The following FADS6 variants were observed in gnomAD, a reference collection of about 807,000 sequenced individuals.
FADS6 encodes fatty acid desaturase 6, also known as fatty acid desaturase domain family, member 6.
FADS6 carries 28 observed loss-of-function variants against 31.7 expected under a neutral mutation model. The observed-to-expected ratio is 0.88, with a 90% CI of 0.66 to 1.21. FADS6 has a LOEUF of 1.21. Ranked by LOEUF, FADS6 falls within the 50% of genes most tolerant of loss-of-function variation. The pLI, the probability that FADS6 is intolerant of heterozygous loss-of-function variation, is 0.00. For synonymous variants in FADS6, 191 were observed against 213.1 expected (o/e 0.90, Z 0.90); for missense variants, 494 against 504.2 (o/e 0.98, Z 0.19).
At chr17:74,890,801 G>A (rs2038681220) in intron 2 of FADS6, among the ~76,000 whole-genome samples, 1 of 152,236 alleles carries the variant, frequency 6.6e-6, no homozygotes, top group Admixed American at 6.5e-5. Flanking sequence ...AGCCCAGGAA[G>A]GCTTCTCAGA....
intron 2 of FADS6, among the ~76,000 whole-genome samples, chr17:74,884,801 G>A (rs564833842): frequency 1.6e-4 from 24 of 151,972 alleles, no homozygotes; most frequent in African/African-American, 2.4e-4. Flanking sequence ...TCCACCTCCC[G>A]GGTTCAAGCG....
intron 2 of FADS6, among the ~76,000 whole-genome samples, chr17:74,891,182 T>C (rs1284200197): frequency 6.9e-6 from 1 of 144,124 alleles, no homozygotes; most frequent in Non-Finnish European, 1.5e-5. Flanking sequence ...GGATTACAGG[T>C]GCGTGCCACC....
chr17:74,884,047 G>A (rs1251102363), intron 2 of FADS6, among the ~76,000 whole-genome samples: 2 of 152,204 alleles, frequency 1.3e-5, no homozygotes, highest in Non-Finnish European at 2.9e-5. Context: ...TGCTAGGCCT[G>A]TGGGGTTCCC....
At chr17:74,888,168 G>GCA (rs1355177187) in intron 2 of FADS6, among the ~76,000 whole-genome samples, 3 of 144,048 alleles carry the variant, frequency 2.1e-5, no homozygotes, top group Non-Finnish European at 4.5e-5. Flanking sequence ...GCGCGCGCGC[G>GCA]CGCGCAGAGT....
intron 2 of FADS6, among the ~76,000 whole-genome samples, chr17:74,890,423 C>T (rs531444423): frequency 2.0e-5 from 3 of 152,248 alleles, no homozygotes; most frequent in East Asian, 3.9e-4. Context: ...AAAATCAAGA[C>T]GCATCCCACG....
In FADS6 at chr17:74,878,364, C is replaced by A. The variant is rs1250958273; in HGVS notation, c.1074G>T (p.Gln358His). ...FLRRYEEFMV[Q>H]APPITELVGL ...CCACAAGCTCAGTGATGGGTGGGGC[C>A]TGCACCATGAATTCCTCATAGCGAC... The change falls in exon 6 of 6, where the codon CAG (glutamine) becomes CAT (histidine). Residue 358 changes from glutamine to histidine, a missense_variant. This residue lies in a region of FADS6 where 454 missense variants were observed against 438.5 expected (regional missense o/e 1.04). Coordinates refer to ENST00000612771, the MANE Select transcript of FADS6 (RefSeq NM_178128.6). 1 of 1,613,830 alleles carries A rather than the reference C, an allele frequency of 6.2e-7. No homozygotes were observed. Among genetic ancestry groups the A allele is most frequent in the Non-Finnish European group, 8.5e-7 (1 of 1,179,872 alleles).
intron 2 of FADS6, among the ~76,000 whole-genome samples, chr17:74,888,126 C>CCACACACA (rs1165268903): frequency 1.6e-5 from 2 of 127,986 alleles, no homozygotes; most frequent in Non-Finnish European, 3.4e-5. Context: ...AGCTGAGACA[C>CCACACACA]CACACACACA....
At chr17:74,881,014 C>G in intron 4 of FADS6, 54 bp downstream of exon 4, 2 of 1,536,038 alleles carry the variant, frequency 1.3e-6, no homozygotes, top group Non-Finnish European at 1.8e-6. Flanking sequence ...TGATCAGGGC[C>G]CCTGGAGAAT....
chr17:74,882,229 C>A (rs906863074), intron 3 of FADS6, among the ~76,000 whole-genome samples: 2 of 152,216 alleles, frequency 1.3e-5, no homozygotes, highest in African/African-American at 4.8e-5. Context: ...AGCCACCACA[C>A]GCAGACCCTG....
chr17:74,877,248 A>G (rs1340274560), downstream of FADS6: 2 of 150,480 alleles, frequency 1.3e-5, no homozygotes, highest in African/African-American at 4.9e-5. Flanking sequence ...ACTTCTAAAC[A>G]TCACAGAACA....
intron 1 of FADS6, 133 bp from the exon 2 acceptor site, chr17:74,892,822 G>A: frequency 1.1e-6 from 1 of 880,230 alleles, no homozygotes; most frequent in Non-Finnish European, 1.7e-6. Context: ...GCCGGAGTGA[G>A]GCAGGTCCCA....
In FADS6 at chr17:74,878,233, C is replaced by T. The variant is rs1188280358; in HGVS notation, c.*98G>A. On this transcript the variant is annotated 3_prime_UTR_variant, in exon 6 of 6. Transcript: ENST00000612771. ...GGCCGGTGCCTCCACTCTCCAGGTC[C>T]ACCACCAGCCACTGAGCCACACCCC... is the stretch of plus-strand genomic sequence containing the variant. The T allele has an allele frequency of 3.4e-6, 5 of 1,473,724 alleles. No homozygotes were observed. 91.3% of individuals were successfully genotyped at this position (1,473,724 alleles called of 1,614,324 possible). A position where few individuals can be genotyped will look rare whatever the true frequency, so the allele number is the denominator to read the frequency against.
chr17:74,877,815 C>T lies in FADS6; in HGVS notation c.*516G>A. ...AGGATCGAGGAAGGCCTGCCAAAAG[C>T]AAGCTCACCCTAAGGTCCCCGGGGA... is the stretch of plus-strand genomic sequence containing the variant. On this transcript the variant is annotated 3_prime_UTR_variant, in exon 6 of 6. Transcript: ENST00000612771. The T allele has an allele frequency of 1.0e-6, 1 of 986,096 alleles. No individual in the cohort carries two copies. The highest frequency in any genetic ancestry group is 1.2e-6 in the Non-Finnish European group (1 of 830,454). 61.1% of individuals were successfully genotyped at this position (986,096 alleles called of 1,614,324 possible).
At chr17:74,885,983 T>C (rs1008512577) in intron 2 of FADS6, among the ~76,000 whole-genome samples, 1 of 152,100 alleles carries the variant, frequency 6.6e-6, no homozygotes, top group Non-Finnish European at 1.5e-5. Flanking sequence ...CTCACGCCTG[T>C]AATCTCAGCA....
chr17:74,891,513 C>T (rs1307535626), intron 2 of FADS6, among the ~76,000 whole-genome samples: 1 of 151,916 alleles, frequency 6.6e-6, no homozygotes, highest in African/African-American at 2.4e-5. Context: ...TAGAGTCTGG[C>T]CGGGACTAAT....
At chr17:74,876,594 C>A (rs533181509), downstream of FADS6, among the ~76,000 whole-genome samples, 1 of 152,002 alleles carries the variant, frequency 6.6e-6, no homozygotes, top group Non-Finnish European at 1.5e-5. Context: ...CTCAGGAGTT[C>A]GAGACCAGCT....
intron 5 of FADS6, 162 bp downstream of exon 5, chr17:74,879,242 G>A: frequency 1.2e-6 from 1 of 831,992 alleles, no homozygotes. Flanking sequence ...TCACCATGTT[G>A]CCCAGGCTGC....
rs931115552 is a variant in FADS6 at position 74,882,585 on chromosome 17, G to C, written c.537C>G (p.Val179=). ...TWRLPCLNRY[V]YMFLAPFLLP... ...GGAGGAAAGGAGCAAGGAACATGTA[G>C]ACATAGCGGTTGAGGCAAGGCAGCC... The change falls in exon 3 of 6, where the codon GTC becomes GTG. Residue 179 remains valine (V), a synonymous_variant. Transcript: ENST00000612771. 1.4e-5 allele frequency: 23 copies of C among 1,612,026 alleles called. No individual in the cohort carries two copies. The highest frequency in any genetic ancestry group is 1.8e-5 in the Non-Finnish European group (21 of 1,179,266).
chr17:74,878,179 C>G lies in FADS6; in HGVS notation c.*152G>C. The G allele has an allele frequency of 1.4e-6, 2 of 1,432,216 alleles. No individual in the cohort carries two copies. The highest frequency in any genetic ancestry group is 1.8e-6 in the Non-Finnish European group (2 of 1,098,526). 88.7% of individuals were successfully genotyped at this position (1,432,216 alleles called of 1,614,324 possible). A position where few individuals can be genotyped will look rare whatever the true frequency, so the allele number is the denominator to read the frequency against. On this transcript the variant is annotated 3_prime_UTR_variant, in exon 6 of 6. Coordinates refer to ENST00000612771, the MANE Select transcript of FADS6 (RefSeq NM_178128.6). Reference sequence around the variant, plus strand: ...CGCAAGGCAGGTGGCCCCCAGACCCCAGGCCTGAGCTCCCCTGCCCCCCTG... The same window carrying G: ...CGCAAGGCAGGTGGCCCCCAGACCCGAGGCCTGAGCTCCCCTGCCCCCCTG...
Sources: gnomAD v4.1 joint callset for allele counts (sites outside exome capture counted in the v4.1 genomes callset) on GRCh38, gnomAD v4.1.1 for gene constraint, gnomAD v4.1.1 regional missense constraint, MANE v1.5 for transcripts, NCBI Gene and HGNC (gene_info 2026-07-23, HGNC 2026-07-21) for gene names.